The following NGEF variants were observed in gnomAD, a reference collection of about 807,000 sequenced individuals.
NGEF encodes the protein neuronal guanine nucleotide exchange factor.
A neutral mutation model predicts 80.9 loss-of-function variants in NGEF; 31 were observed. That is an observed-to-expected ratio of 0.38 (90% confidence interval 0.29 to 0.52). NGEF has a LOEUF of 0.52. Among genes scored for constraint, NGEF ranks in the 20% least tolerant of loss-of-function variants. The probability of loss-of-function intolerance (pLI) is 0.84; values close to 1 mark genes in which losing one functional copy is unlikely to be tolerated. For synonymous variants in NGEF, 371 were observed against 370.2 expected, an observed-to-expected ratio of 1.00 and a Z score of -0.03; for missense variants, 709 against 926.2, an observed-to-expected ratio of 0.77 and a Z score of 3.04.
At chr2:232,896,706 G>GA (rs1559197271) in intron 5 of NGEF, among the ~76,000 whole-genome samples, 1 of 54,452 alleles carries the variant, frequency 1.8e-5, no homozygotes, top group Non-Finnish European at 3.5e-5. Context: ...GGGTAGGGGT[G>GA]GGGGTAGGGG....
chr2:232,973,725 C>T (rs143529734), intron 2 of NGEF, among the ~76,000 whole-genome samples: 5 of 152,354 alleles, frequency 3.3e-5, no homozygotes, highest in Non-Finnish European at 7.3e-5. Context: ...CAGCTGACTG[C>T]AGAGGTTAGG....
intron 3 of NGEF, chr2:232,927,966 A>G: frequency 2.3e-6 from 3 of 1,280,110 alleles, no homozygotes; most frequent in South Asian, 2.4e-5. Context: ...TCCACGGCGC[A>G]GGCGGCGCTG....
At chr2:232,944,750 T>C (rs1693518087) in intron 3 of NGEF, among the ~76,000 whole-genome samples, 1 of 134,884 alleles carries the variant, frequency 7.4e-6, no homozygotes, top group Admixed American at 7.5e-5. Flanking sequence ...TATATATATA[T>C]ATATATATAT....
chr2:232,943,633 C>G (rs56202039), intron 3 of NGEF, among the ~76,000 whole-genome samples: 3 of 151,046 alleles, frequency 2.0e-5, no homozygotes, highest in Non-Finnish European at 4.4e-5. Flanking sequence ...GTAGCTGGGA[C>G]TACAGGCGCC....
At chr2:232,994,870 A>G (rs539137288) in intron 1 of NGEF, among the ~76,000 whole-genome samples, 201 of 151,938 alleles carry the variant, frequency 1.3e-3, no homozygotes, top group African/African-American at 4.7e-3. Flanking sequence ...ATACACATAT[A>G]CATATATGGA....
rs150607866 is a variant in NGEF, at chr2:232,925,237, T to C, written c.526+1807A>G. Among the ~76,000 whole-genome samples, 801 of 152,306 alleles carry C rather than the reference T, an allele frequency of 5.3e-3. 6 individuals are homozygous for C. Among genetic ancestry groups the C allele is most frequent in the African/African-American group, 0.018 (745 of 41,564 alleles). On this transcript the variant is annotated intron_variant, in intron 4 of 14. Coordinates refer to ENST00000264051, the MANE Select transcript of NGEF (RefSeq NM_019850.3). ...GAAGCTGCCATCCTTTCCTAACACT[T>C]GGCAAAGAATTGCTGAACTCACAGA...
intron 2 of NGEF, among the ~76,000 whole-genome samples, chr2:232,973,366 A>G (rs938680523): frequency 7.9e-5 from 12 of 152,198 alleles, no homozygotes; most frequent in African/African-American, 2.4e-4. Context: ...TGCTTGATAC[A>G]TGATTTTGTT....
chr2:232,970,330 T>C lies in NGEF; in HGVS notation c.269-2A>G. The C allele has an allele frequency of 1.3e-6, 2 of 1,576,726 alleles. No individual in the cohort carries two copies. Among genetic ancestry groups the C allele is most frequent in the East Asian group, 2.3e-5 (1 of 42,952 alleles). ...CAGATTTTCCATTGTCCTGTGAATC[T>C]GTGACAATTCAGAAATGGAGCAAGT... On this transcript the variant is annotated splice_acceptor_variant, in intron 2 of 14. Transcript: ENST00000264051. LOFTEE classifies it high-confidence loss of function.
intron 1 of NGEF, among the ~76,000 whole-genome samples, chr2:232,990,002 G>A (rs1694620258): frequency 6.6e-6 from 1 of 152,144 alleles, no homozygotes. Context: ...AAAAATCAGA[G>A]ATGCTCCCAA....
At chr2:232,950,869 T>C (rs1693664155) in intron 3 of NGEF, among the ~76,000 whole-genome samples, 1 of 135,080 alleles carries the variant, frequency 7.4e-6, no homozygotes, top group Non-Finnish European at 1.7e-5. Flanking sequence ...CTTCACCACA[T>C]GCTTCAGAAA....
chr2:232,905,293 G>A (rs942844408), intron 5 of NGEF, among the ~76,000 whole-genome samples: 1 of 152,236 alleles, frequency 6.6e-6, no homozygotes, highest in Non-Finnish European at 1.5e-5. Context: ...TGGTGGAAAC[G>A]GGGTTTCGCT....
In NGEF at chr2:232,935,164, A is replaced by G. The variant is rs937611769; in HGVS notation, c.384-7978T>C. On this transcript the variant is annotated intron_variant, in intron 3 of 14. Transcript: ENST00000264051. ...GGAAGCAAAGTGCATTCTTATTTAC[A>G]TACTAAATTCAGCCTTCAGGAGTTC... 5.3e-5 allele frequency among the ~76,000 whole-genome samples: 8 copies of G among 152,248 alleles called. No individual in the cohort carries two copies. The East Asian group carries it at 9.6e-4, about 18-fold the overall frequency.
Position 232,885,348 on chromosome 2 carries a change from C to A in NGEF, c.1369G>T (p.Gly457Cys). The A allele has an allele frequency of 6.2e-7, 1 of 1,614,100 alleles. No individual in the cohort carries two copies. The highest frequency in any genetic ancestry group is 8.5e-7 in the Non-Finnish European group (1 of 1,179,998). Residue 457 changes from glycine to cysteine, a missense_variant, in exon 10 of 15, where the codon GGC becomes TGC. By Grantham distance (159) the Gly-to-Cys change is radical (BLOSUM62 -3). Coordinates refer to ENST00000264051, the MANE Select transcript of NGEF (RefSeq NM_019850.3). ...TCCGTGCGGCTCATTTTCCTGACGC[C>A]CTCGTTGCATGCCTTCACCACCTGG... ...LEMVVKACNE[G>C]VRKMSRTEQM...
At chr2:232,936,751 C>G (rs183059306) in intron 3 of NGEF, among the ~76,000 whole-genome samples, 70 of 152,356 alleles carry the variant, frequency 4.6e-4, no homozygotes, top group Admixed American at 1.7e-3. Context: ...CCATGCATCT[C>G]TTCCCTTGGC....
At chr2:232,901,852 G>T (rs543480318) in intron 5 of NGEF, among the ~76,000 whole-genome samples, 1 of 152,246 alleles carries the variant, frequency 6.6e-6, no homozygotes, top group Non-Finnish European at 1.5e-5. Flanking sequence ...CTGTGGGGAC[G>T]TCGCCGTGAC....
At chr2:232,929,060 C>T (rs1403531858) in intron 3 of NGEF, among the ~76,000 whole-genome samples, 2 of 152,226 alleles carry the variant, frequency 1.3e-5, no homozygotes, top group Admixed American at 6.5e-5. Context: ...GCCCGGTGTC[C>T]TTTTCCGGAG....
chr2:232,901,288 C>T, intron 5 of NGEF: 2 of 855,416 alleles, frequency 2.3e-6, no homozygotes, highest in Non-Finnish European at 2.8e-6. Flanking sequence ...CCTGCCTCCG[C>T]ACTCGGATCA....
chr2:232,882,856 T>G (rs531833772), intron 12 of NGEF, among the ~76,000 whole-genome samples: 10 of 152,214 alleles, frequency 6.6e-5, no homozygotes, highest in Non-Finnish European at 8.8e-5. Flanking sequence ...TTTAGCTTGC[T>G]TGTCCCTCGT....
intron 1 of NGEF, among the ~76,000 whole-genome samples, chr2:233,010,061 T>G (rs1695170340): frequency 6.6e-6 from 1 of 152,042 alleles, no homozygotes; most frequent in Non-Finnish European, 1.5e-5. Flanking sequence ...CCATGCCAAT[T>G]TTTGTATTTT....
Sources: allele counts gnomAD v4.1 joint callset (sites outside exome capture counted in the v4.1 genomes callset), GRCh38; gene constraint gnomAD v4.1.1; transcripts MANE v1.5; gene names NCBI Gene and HGNC (gene_info 2026-07-23, HGNC 2026-07-21).